PPP2R2B: variants seen among roughly 807,000 people sequenced by gnomAD.
PPP2R2B encodes the protein serine/threonine-protein phosphatase 2A 55 kDa regulatory subunit B beta isoform.
PPP2R2B carries 5 observed loss-of-function variants against 46.0 expected under a neutral mutation model. That is an observed-to-expected ratio of 0.11 (90% CI 0.06 to 0.23). PPP2R2B has a LOEUF of 0.23. Ranked by LOEUF, PPP2R2B falls within the 10% of genes least tolerant of loss-of-function variation. PPP2R2B has a pLI of 1.00. For synonymous variants in PPP2R2B, 215 were observed against 206.7 expected, an observed-to-expected ratio of 1.04 and a Z score of -0.34; for missense variants, 367 against 575.0, an observed-to-expected ratio of 0.64 and a Z score of 3.70.
intron 1 of PPP2R2B, among the ~76,000 whole-genome samples, chr5:146,947,778 G>A (rs924800757): frequency 2.6e-5 from 4 of 151,622 alleles, no homozygotes; most frequent in Admixed American, 6.6e-5. Context: ...CTTTGGAGCC[G>A]CTGTAAGTGA....
intron 1 of PPP2R2B, among the ~76,000 whole-genome samples, chr5:147,039,405 T>G (rs965609404): frequency 1.3e-5 from 2 of 152,160 alleles, no homozygotes; most frequent in African/African-American, 2.4e-5. Flanking sequence ...TCAAAAACAC[T>G]GAAGAAATGA....
chr5:147,004,259 A>G (rs1363924105), intron 1 of PPP2R2B, among the ~76,000 whole-genome samples: 1 of 140,998 alleles, frequency 7.1e-6, no homozygotes, highest in African/African-American at 2.8e-5. Flanking sequence ...TGCCGAGGCA[A>G]TCACTAGAAG....
intron 1 of PPP2R2B, among the ~76,000 whole-genome samples, chr5:146,986,946 T>C (rs1404039316): frequency 6.6e-6 from 1 of 151,900 alleles, no homozygotes; most frequent in Non-Finnish European, 1.5e-5. Flanking sequence ...AACAAGACTA[T>C]CTTAAGGCAT....
intron 2 of PPP2R2B, among the ~76,000 whole-genome samples, chr5:147,074,425 T>G (rs1234608671): frequency 6.6e-6 from 1 of 152,168 alleles, no homozygotes; most frequent in Non-Finnish European, 1.5e-5. Flanking sequence ...AGGGCTCCAT[T>G]TTCTATCATT....
chr5:146,831,498 C>CAAAA (rs34975709), intron 2 of PPP2R2B, among the ~76,000 whole-genome samples: 13 of 54,934 alleles, frequency 2.4e-4, no homozygotes, highest in Non-Finnish European at 3.7e-4. Flanking sequence ...CTCCATCTCT[C>CAAAA]AAAAAAAAAA....
chr5:146,632,638 C>G (rs1025323768), intron 7 of PPP2R2B, among the ~76,000 whole-genome samples: 1 of 152,050 alleles, frequency 6.6e-6, no homozygotes, highest in African/African-American at 2.4e-5. Context: ...ATAATGGAGG[C>G]TATGAAAGAA....
chr5:146,597,831 A>G (rs999415780), intron 8 of PPP2R2B, among the ~76,000 whole-genome samples: 9 of 152,320 alleles, frequency 5.9e-5, no homozygotes, highest in African/African-American at 1.9e-4. Context: ...TACTTCATCT[A>G]TATAAGAAAA....
At chr5:147,059,405 C>T (rs1322992860), upstream of PPP2R2B, among the ~76,000 whole-genome samples, 3 of 152,158 alleles carry the variant, frequency 2.0e-5, no homozygotes, top group Non-Finnish European at 4.4e-5. Context: ...GTCATTAACT[C>T]TGTAAGTGGC....
intron 2 of PPP2R2B, among the ~76,000 whole-genome samples, chr5:146,852,522 A>G (rs1760408296): frequency 6.6e-6 from 1 of 152,140 alleles, no homozygotes; most frequent in African/African-American, 2.4e-5. Flanking sequence ...TAAATTAACA[A>G]TTAGCCTCTA....
intron 2 of PPP2R2B, among the ~76,000 whole-genome samples, chr5:146,841,964 G>T (rs1287326590): frequency 1.3e-5 from 2 of 152,108 alleles, no homozygotes; most frequent in African/African-American, 4.8e-5. Context: ...TTTGATATCA[G>T]AAATCTTTTA....
chr5:147,014,712 A>G (rs1350620459), intron 1 of PPP2R2B, among the ~76,000 whole-genome samples: 2 of 146,756 alleles, frequency 1.4e-5, no homozygotes, highest in South Asian at 2.3e-4. Context: ...CAGGAAGGGG[A>G]ATATCACACT....
chr5:146,813,185 G>A (rs1255344077), intron 2 of PPP2R2B, among the ~76,000 whole-genome samples: 1 of 151,518 alleles, frequency 6.6e-6, no homozygotes, highest in Non-Finnish European at 1.5e-5. Context: ...ATGAAGCAGT[G>A]CCTAGTGCAT....
rs201299020 is a variant in PPP2R2B, at chr5:147,009,864, T to TACACACACACAC, written c.79+45789_79+45800dup. 4.0e-3 allele frequency among the ~76,000 whole-genome samples: 553 copies of TACACACACACAC among 136,636 alleles called. 4 individuals are homozygous for TACACACACACAC. The highest frequency in any genetic ancestry group is 0.014 in the African/African-American group (524 of 37,902). 89.6% of individuals were successfully genotyped at this position (136,636 alleles called of 152,430 possible). ...ATATTTATATATATACACACACACA[T>TACACACACACAC]ACACACACACACACACACACACACA... On this transcript the variant is annotated intron_variant, in intron 1 of 8. Transcript: ENST00000336640.
intron 1 of PPP2R2B, among the ~76,000 whole-genome samples, chr5:147,043,025 C>T (rs1426555401): frequency 5.3e-5 from 8 of 151,932 alleles, no homozygotes; most frequent in Non-Finnish European, 8.8e-5. Flanking sequence ...AGCTTGTTTG[C>T]GTTATTTCTA....
chr5:146,646,149 A>G (rs1482548308), intron 6 of PPP2R2B, among the ~76,000 whole-genome samples: 1 of 152,210 alleles, frequency 6.6e-6, no homozygotes, highest in East Asian at 1.9e-4. Flanking sequence ...TGAAAGCGGC[A>G]AATTTGTTTT....
At chr5:146,930,514 G>A (rs1325945573) in intron 1 of PPP2R2B, among the ~76,000 whole-genome samples, 2 of 152,166 alleles carry the variant, frequency 1.3e-5, no homozygotes, top group Non-Finnish European at 2.9e-5. Context: ...GTCTGGATGG[G>A]AAGAGAGAGG....
chr5:147,023,266 A>G (rs1176693172), intron 1 of PPP2R2B, among the ~76,000 whole-genome samples: 1 of 152,204 alleles, frequency 6.6e-6, no homozygotes, highest in East Asian at 1.9e-4. Context: ...ACGAAAACCA[A>G]AACAAAGAGG....
Position 147,009,864 on chromosome 5 carries a change from T to TACACAC in PPP2R2B, c.79+45795_79+45800dup, listed in dbSNP as rs201299020. ...ATATTTATATATATACACACACACA[T>TACACAC]ACACACACACACACACACACACACA... On this transcript the variant is annotated intron_variant, in intron 1 of 8. Coordinates refer to the PPP2R2B transcript ENST00000336640. Among the ~76,000 whole-genome samples the TACACAC allele has an allele frequency of 2.9e-3, 401 of 136,660 alleles. 1 individual carries two copies. Among genetic ancestry groups the TACACAC allele is most frequent in the African/African-American group, 8.5e-3 (322 of 37,928 alleles). 89.7% of individuals were successfully genotyped at this position (136,660 alleles called of 152,430 possible). A position where few individuals can be genotyped will look rare whatever the true frequency, so the allele number is the denominator to read the frequency against.
At chr5:146,815,459 G>A (rs1414417700) in intron 2 of PPP2R2B, among the ~76,000 whole-genome samples, 2 of 152,202 alleles carry the variant, frequency 1.3e-5, no homozygotes, top group African/African-American at 4.8e-5. Flanking sequence ...CTAAGCATCT[G>A]AATGAATAAA....
Sources: allele counts gnomAD v4.1 joint callset (sites outside exome capture counted in the v4.1 genomes callset), GRCh38; gene constraint gnomAD v4.1.1; transcripts MANE v1.5; gene names NCBI Gene and HGNC (gene_info 2026-07-23, HGNC 2026-07-21).